Variants in LHX6 observed in about 807,000 individuals in gnomAD.
The protein encoded by LHX6 is LIM/homeobox protein Lhx6.
A neutral mutation model predicts 47.1 loss-of-function variants in LHX6; 15 were observed. The observed-to-expected ratio is 0.32, with a 90% CI of 0.21 to 0.49. The LOEUF (loss-of-function observed/expected upper bound fraction) is 0.49. Among genes scored for constraint, LHX6 ranks in the 20% least tolerant of loss-of-function variants. The pLI is 0.99. For missense variants in LHX6, 404 were observed against 539.6 expected (o/e 0.75, Z 2.49); for synonymous variants, 242 against 233.5 (o/e 1.04, Z -0.33).
chr9:122,204,776 A>T lies in LHX6; in HGVS notation c.1163T>A (p.Ile388Asn). The change falls in exon 10 of 10, where the codon ATC (isoleucine) becomes AAC (asparagine). Residue 388 changes from isoleucine to asparagine, a missense_variant. By Grantham distance (149) the Ile-to-Asn change is moderately radical. Around this residue, in one of 7 missense-constraint regions of LHX6, gnomAD observed 127 missense variants for 116.1 expected, o/e 1.09. Coordinates refer to ENST00000394319, the MANE Select transcript of LHX6 (RefSeq NM_014368.5). ...CCGGCAGCGTTAGTACTGAAAAAGG[A>T]TGACCTGCAAGAGGAGGGCATGGGA... ...GPLSNRGEKV[I>N]LFQY 6.3e-7 allele frequency: 1 copy of T among 1,589,786 alleles called. No homozygotes were observed. Among genetic ancestry groups the T allele is most frequent in the South Asian group, 1.2e-5 (1 of 86,748 alleles).
At position 122,209,705 on chromosome 9, in the gene LHX6, C is replaced by T. The variant is rs1394481320; in HGVS notation, c.1067G>A (p.Cys356Tyr). 1.1e-6 allele frequency: 1 copy of T among 888,698 alleles called. No homozygotes were observed. The highest frequency in any genetic ancestry group is 1.3e-5 in the South Asian group (1 of 76,606). 55.1% of individuals were successfully genotyped at this position (888,698 alleles called of 1,614,324 possible). A position where few individuals can be genotyped will look rare whatever the true frequency, so the allele number is the denominator to read the frequency against. ...LHGYIESQVQ[C>Y]GQVHCRLPYT... is the part of the protein sequence containing the mutation. ...AGGCAGCCGGCAGTGCACCTGCCCG[C>T]ACTGTACCTGACCTGTGGACGAGAG... Residue 356 changes from cysteine (C) to tyrosine (Y), a missense_variant, in exon 9 of 10, where the codon TGC (cysteine) becomes TAC (tyrosine). Transcript: ENST00000394319.
At chr9:122,208,351 G>A (rs926070955) in intron 9 of LHX6, among the ~76,000 whole-genome samples, 7 of 151,744 alleles carry the variant, frequency 4.6e-5, no homozygotes, top group African/African-American at 9.7e-5. Context: ...CCCCTCCCCA[G>A]CTCCCATGGC....
intron 9 of LHX6, 102 bp from the exon 10 acceptor site, chr9:122,204,882 G>A: frequency 1.4e-6 from 1 of 718,746 alleles, no homozygotes; most frequent in Non-Finnish European, 2.1e-6. Context: ...TGGACTCAGG[G>A]CCCAGATCTG....
chr9:122,217,020 GT>G lies in LHX6; in HGVS notation c.682+47del. 6.5e-7 allele frequency: 1 copy of G among 1,528,416 alleles called. No individual in the cohort carries two copies. Among genetic ancestry groups the G allele is most frequent in the Non-Finnish European group, 9.0e-7 (1 of 1,106,420 alleles). The allele number at this position is 1,528,416 out of a possible 1,614,324, so 94.7% of individuals were successfully genotyped here. ...TCCTGGGGTGCTGGGGTGGGGTGGG[GT>G]GGGAAAGGGCTGGGGGCAGAGGTGC... On this transcript the variant is annotated intron_variant, in intron 5 of 9. Transcript: ENST00000394319. The surrounding 1 kb of genome is among the most constrained non-coding windows in gnomAD (Gnocchi z 4.9).
chr9:122,228,458 T>G, intron 1 of LHX6, 199 bp downstream of exon 1: 1 of 1,443,050 alleles, frequency 6.9e-7, no homozygotes, highest in Non-Finnish European at 9.0e-7. Flanking sequence ...TCCTCCAACA[T>G]TTGCATAATG....
chr9:122,222,826 A>T (rs1005731209), intron 4 of LHX6, among the ~76,000 whole-genome samples: 1 of 152,138 alleles, frequency 6.6e-6, no homozygotes, highest in Non-Finnish European at 1.5e-5. Context: ...TGGGATCTCC[A>T]TGCTCCCCCT....
At chr9:122,216,303 C>T (rs1329056965) in intron 5 of LHX6, among the ~76,000 whole-genome samples, 2 of 152,228 alleles carry the variant, frequency 1.3e-5, no homozygotes, top group Admixed American at 6.5e-5. Flanking sequence ...CAAGCACTGC[C>T]CTTTCCCAGC....
At chr9:122,218,643 C>T (rs929833481) in intron 4 of LHX6, among the ~76,000 whole-genome samples, 1 of 151,956 alleles carries the variant, frequency 6.6e-6, no homozygotes, top group African/African-American at 2.4e-5. Context: ...GCCTTGCTTA[C>T]AATCCTATGG....
intron 8 of LHX6, among the ~76,000 whole-genome samples, chr9:122,210,971 T>A (rs1025494873): frequency 2.6e-5 from 4 of 152,266 alleles, no homozygotes; most frequent in Non-Finnish European, 5.9e-5. Context: ...AGATTCTAGA[T>A]CTTTGTGGAT....
Position 122,213,327 on chromosome 9 carries a change from A to G in LHX6, c.1054+279T>C, listed in dbSNP as rs1445105612. Reference sequence around the variant, plus strand: ...ACCTTGTCCAGCCTGTTCTCTCCCCAGTCTCCGGGCACTGGCACATTGTGG... The same window carrying G: ...ACCTTGTCCAGCCTGTTCTCTCCCCGGTCTCCGGGCACTGGCACATTGTGG... On this transcript the variant is annotated intron_variant, in intron 8 of 9. Transcript: ENST00000394319. This position sits in a 1 kb window ranked among gnomAD's most constrained non-coding sequence, Gnocchi z 5.5. Among the ~76,000 whole-genome samples, 2 of 152,006 alleles carry G rather than the reference A, an allele frequency of 1.3e-5. No individual in the cohort carries two copies. The highest frequency in any genetic ancestry group is 2.9e-5 in the Non-Finnish European group (2 of 68,000).
rs1448585747 is a variant in LHX6 at position 122,213,242 on chromosome 9, C to T, written c.1054+364G>A. Among the ~76,000 whole-genome samples, 1 of 152,106 alleles carries T rather than the reference C, an allele frequency of 6.6e-6. No homozygotes were observed. Among genetic ancestry groups the T allele is most frequent in the African/African-American group, 2.4e-5 (1 of 41,416 alleles). On this transcript the variant is annotated intron_variant, in intron 8 of 9. Coordinates refer to ENST00000394319, the MANE Select transcript of LHX6 (RefSeq NM_014368.5). This position sits in a 1 kb window ranked among gnomAD's most constrained non-coding sequence, Gnocchi z 5.5. ...CCTACAGGAATCATCCCACTTAAAA[C>T]GACACACTCATCTGCCTATTTTTCC...
chr9:122,219,319 T>C (rs1022418546), intron 4 of LHX6, among the ~76,000 whole-genome samples: 1 of 152,154 alleles, frequency 6.6e-6, no homozygotes, highest in East Asian at 1.9e-4. Context: ...CAGAGCACCT[T>C]CGTTGAATCC....
At position 122,227,620 on chromosome 9, in the gene LHX6, C is replaced by G. The variant is rs957771445; in HGVS notation, c.85-140G>C. Reference sequence around the variant, plus strand: ...CTAACTTTGTAGTGGGCATTTAAAGCCCTTCCCCACAAAAGCGGTGTCTCT... The same window carrying G: ...CTAACTTTGTAGTGGGCATTTAAAGGCCTTCCCCACAAAAGCGGTGTCTCT... On this transcript the variant is annotated intron_variant, in intron 1 of 9. Transcript: ENST00000394319. 1.3e-5 allele frequency: 18 copies of G among 1,357,810 alleles called. No homozygotes were observed. The African/African-American group carries it at 2.6e-4, about 20-fold the overall frequency. 84.1% of individuals were successfully genotyped at this position (1,357,810 alleles called of 1,614,324 possible). A position where few individuals can be genotyped will look rare whatever the true frequency, so the allele number is the denominator to read the frequency against.
At chr9:122,228,211 G>A (rs1831190454) in intron 1 of LHX6, 2 of 1,485,956 alleles carry the variant, frequency 1.3e-6, no homozygotes, top group South Asian at 2.4e-5. Flanking sequence ...GGAGCAAAAA[G>A]AGAGCGAGAT....
rs1381320157 is a variant in LHX6, at chr9:122,214,117, G to A, written c.784-48C>T. ...AGGCGCTCGCACGCAGAGACTCCGA[G>A]ACCCCGGCCCAATCAGCGGCGCCAG... On this transcript the variant is annotated intron_variant, in intron 6 of 9. Coordinates refer to ENST00000394319, the MANE Select transcript of LHX6 (RefSeq NM_014368.5). This position sits in a 1 kb window ranked among gnomAD's most constrained non-coding sequence, Gnocchi z 4.6. 1 of 1,536,998 alleles carries A rather than the reference G, an allele frequency of 6.5e-7. No individual in the cohort carries two copies. Among genetic ancestry groups the A allele is most frequent in the Admixed American group, 1.8e-5 (1 of 56,918 alleles).
At chr9:122,219,166 A>G (rs962893982) in intron 4 of LHX6, among the ~76,000 whole-genome samples, 2 of 152,246 alleles carry the variant, frequency 1.3e-5, no homozygotes, top group African/African-American at 4.8e-5. Context: ...GTCAGTTGAA[A>G]AAAACAGCGT....
chr9:122,221,209 G>A lies in LHX6; in HGVS notation c.462-3921C>T, dbSNP rs1210075135. The A allele has an allele frequency of 3.0e-6, 3 of 984,678 alleles. No individual in the cohort carries two copies. The Admixed American group carries it at 1.8e-4, about 61-fold the overall frequency. The allele number at this position is 984,678 out of a possible 1,614,324, so 61.0% of individuals were successfully genotyped here. On this transcript the variant is annotated intron_variant, in intron 4 of 9. Coordinates refer to ENST00000394319, the MANE Select transcript of LHX6 (RefSeq NM_014368.5). ...CTTCCCTTCTAGGTAAACCCGTAGG[G>A]GAAGAAGCCAGAGGGGGAAAAAAAA...
chr9:122,208,550 G>A (rs111479067), intron 9 of LHX6, among the ~76,000 whole-genome samples: 4 of 152,110 alleles, frequency 2.6e-5, no homozygotes, highest in African/African-American at 4.8e-5. Flanking sequence ...TGTAAGGTTC[G>A]GCCGGGCACG....
At position 122,217,307 on chromosome 9, in the gene LHX6, G is replaced by A. The variant is rs745677983; in HGVS notation, c.462-19C>T. ...GAATCGGCTGCAGGTCGAGAGGACAGGCACGGGGTGTCGAGACTCAGACAG... is the reference window on the plus strand; with the variant it reads ...GAATCGGCTGCAGGTCGAGAGGACAAGCACGGGGTGTCGAGACTCAGACAG... On this transcript the variant is annotated intron_variant, in intron 4 of 9. Transcript: ENST00000394319. This position sits in a 1 kb window ranked among gnomAD's most constrained non-coding sequence, Gnocchi z 4.9. The A allele has an allele frequency of 4.4e-6, 7 of 1,594,644 alleles. No individual in the cohort carries two copies. The East Asian group carries it at 1.1e-4, about 26-fold the overall frequency.
Sources: gnomAD v4.1 joint callset for allele counts (sites outside exome capture counted in the v4.1 genomes callset) on GRCh38, gnomAD v4.1.1 for gene constraint, gnomAD v4.1.1 regional missense constraint, Gnocchi (gnomAD v3.1) non-coding constraint, MANE v1.5 for transcripts, NCBI Gene and HGNC (gene_info 2026-07-23, HGNC 2026-07-21) for gene names.